The following CTNNA2 variants were observed in gnomAD, a reference collection of about 807,000 sequenced individuals.
CTNNA2 encodes catenin alpha 2.
In CTNNA2, 42 loss-of-function variants were observed where a neutral mutation model predicts 101.0. That is an observed-to-expected ratio of 0.42 (90% CI 0.32 to 0.54). CTNNA2 has a LOEUF of 0.54. CTNNA2 is among the 20% of genes least tolerant of loss of function. CTNNA2 has a pLI of 0.14. For synonymous variants in CTNNA2, 450 were observed against 456.4 expected (o/e 0.99, Z 0.18); for missense variants, 871 against 1,223.1 (o/e 0.71, Z 4.29).
chr2:80,159,661 A>T (rs886720241), intron 7 of CTNNA2, among the ~76,000 whole-genome samples: 6 of 151,960 alleles, frequency 3.9e-5, no homozygotes, highest in African/African-American at 1.5e-4. Flanking sequence ...TTTAGTAGAG[A>T]TGGGATTTCA....
chr2:79,862,099 G>A (rs1259614739), intron 4 of CTNNA2, among the ~76,000 whole-genome samples: 1 of 152,188 alleles, frequency 6.6e-6, no homozygotes, highest in Non-Finnish European at 1.5e-5. Flanking sequence ...TAGCATGAGC[G>A]ATAGCAGGAC....
intron 2 of CTNNA2, among the ~76,000 whole-genome samples, chr2:79,275,105 A>G (rs116181483): frequency 0.03 from 4,615 of 152,192 alleles, 106 homozygotes; most frequent in South Asian, 0.048. Flanking sequence ...TTTTCCTGAA[A>G]TAACCCTTAC....
chr2:79,289,752 G>C (rs1675743040), intron 2 of CTNNA2, among the ~76,000 whole-genome samples: 2 of 152,098 alleles, frequency 1.3e-5, no homozygotes, highest in South Asian at 4.1e-4. Context: ...CTCAAAAAAA[G>C]AAATAGAAAA....
intron 7 of CTNNA2, among the ~76,000 whole-genome samples, chr2:79,918,865 T>A (rs139328821): frequency 1.1e-3 from 161 of 152,302 alleles, no homozygotes; most frequent in African/African-American, 3.6e-3. Flanking sequence ...GAGTTGGCAA[T>A]AACAACCGGT....
chr2:79,822,954 T>G (rs1425806073), intron 3 of CTNNA2, among the ~76,000 whole-genome samples: 1 of 152,204 alleles, frequency 6.6e-6, no homozygotes, highest in Non-Finnish European at 1.5e-5. Flanking sequence ...TTCCATCCCC[T>G]GAACTTGACA....
At chr2:80,171,663 G>A (rs1705066275) in intron 7 of CTNNA2, among the ~76,000 whole-genome samples, 2 of 152,034 alleles carry the variant, frequency 1.3e-5, no homozygotes, top group African/African-American at 4.8e-5. Context: ...CCAGGTTGTT[G>A]TAATGAAAAA....
At chr2:79,528,432 TGA>T (rs1209211171) in intron 1 of CTNNA2, among the ~76,000 whole-genome samples, 1 of 152,138 alleles carries the variant, frequency 6.6e-6, no homozygotes, top group East Asian at 1.9e-4. Flanking sequence ...TTGCCCAGAC[TGA>T]GAGTTTTCGT....
chr2:80,064,064 G>A (rs550944659), intron 7 of CTNNA2, among the ~76,000 whole-genome samples: 1 of 152,218 alleles, frequency 6.6e-6, no homozygotes, highest in Non-Finnish European at 1.5e-5. Flanking sequence ...GGGAAAAAGA[G>A]GAGAGGGAGA....
intron 4 of CTNNA2, among the ~76,000 whole-genome samples, chr2:79,481,894 C>A (rs1671113787): frequency 6.6e-6 from 1 of 152,070 alleles, no homozygotes; most frequent in Non-Finnish European, 1.5e-5. Flanking sequence ...GGAGGAGAAG[C>A]AACTGAAGAG....
At chr2:79,204,923 C>T (rs1362743305) in intron 2 of CTNNA2, among the ~76,000 whole-genome samples, 11 of 152,376 alleles carry the variant, frequency 7.2e-5, no homozygotes, top group Admixed American at 6.5e-4. Context: ...GCACCGCCTG[C>T]CAACACTGTT....
rs1697090939 is a variant in CTNNA2, at chr2:80,054,509, A to C, written c.1056+144712A>C. On this transcript the variant is annotated intron_variant, in intron 7 of 18. Transcript: ENST00000402739. ...TCTTGGCCTGGAGGAACAGGATGGC[A>C]AGGTTAATTGCAAAGGTGGAGTGTT... Among the ~76,000 whole-genome samples the C allele has an allele frequency of 2.0e-5, 3 of 152,310 alleles. 1 individual carries two copies. The Middle Eastern group carries it at 0.01, about 518-fold the overall frequency.
chr2:79,703,368 A>G (rs1389330629), intron 2 of CTNNA2, among the ~76,000 whole-genome samples: 1 of 152,186 alleles, frequency 6.6e-6, no homozygotes, highest in Non-Finnish European at 1.5e-5. Flanking sequence ...TAATAAGTTG[A>G]ACTGATGGAT....
intron 15 of CTNNA2, among the ~76,000 whole-genome samples, chr2:80,593,975 C>A (rs1415797482): frequency 6.6e-6 from 1 of 150,922 alleles, no homozygotes; most frequent in African/African-American, 2.5e-5. Context: ...GCTTTCATTT[C>A]TTTTAAGTGT....
intron 4 of CTNNA2, among the ~76,000 whole-genome samples, chr2:79,413,783 A>T (rs1421827112): frequency 6.6e-6 from 1 of 151,724 alleles, no homozygotes; most frequent in Non-Finnish European, 1.5e-5. Context: ...GTGATATCTC[A>T]TTGTTACTTT....
At chr2:79,659,215 CTTTTTT>C (rs5832398) in intron 2 of CTNNA2, among the ~76,000 whole-genome samples, 1 of 135,818 alleles carries the variant, frequency 7.4e-6, no homozygotes, top group African/African-American at 2.7e-5. Flanking sequence ...TCCAGTGCCT[CTTTTTT>C]TTTTTTTTTT....
intron 7 of CTNNA2, among the ~76,000 whole-genome samples, chr2:80,258,242 C>G (rs1167604846): frequency 6.6e-6 from 1 of 152,166 alleles, no homozygotes; most frequent in Non-Finnish European, 1.5e-5. Context: ...GTCAATTCTT[C>G]TCAGACTGAA....
chr2:79,916,963 T>A (rs1398487008), intron 7 of CTNNA2, among the ~76,000 whole-genome samples: 1 of 151,964 alleles, frequency 6.6e-6, no homozygotes, highest in Non-Finnish European at 1.5e-5. Context: ...GTTTTGTTTT[T>A]TGAGACGGAG....
At chr2:79,374,677 T>C (rs1287305807) in intron 4 of CTNNA2, among the ~76,000 whole-genome samples, 8 of 152,162 alleles carry the variant, frequency 5.3e-5, no homozygotes, top group African/African-American at 1.9e-4. Flanking sequence ...TGGGAGATGA[T>C]GTATCAGCAG....
At chr2:80,091,315 A>G (rs59802931) in intron 7 of CTNNA2, among the ~76,000 whole-genome samples, 35,310 of 151,958 alleles carry the variant, frequency 0.23, 5,926 homozygotes, top group African/African-American at 0.47. Flanking sequence ...TTTAAGGGCC[A>G]TTGTCCACTC....
Sources: gnomAD v4.1 joint callset for allele counts (sites outside exome capture counted in the v4.1 genomes callset) on GRCh38, gnomAD v4.1.1 for gene constraint, MANE v1.5 for transcripts, NCBI Gene and HGNC (gene_info 2026-07-23, HGNC 2026-07-21) for gene names.